Variants in ADCK1 observed in about 807,000 individuals in gnomAD.
ADCK1 encodes aarF domain containing kinase 1.
A neutral mutation model predicts 52.3 loss-of-function variants in ADCK1; 41 were observed. That is an observed-to-expected ratio of 0.78 (90% CI 0.61 to 1.02). ADCK1 has a LOEUF of 1.02. Ranked by LOEUF, ADCK1 falls within the 50% of genes least tolerant of loss-of-function variation. ADCK1 has a pLI of 0.00. For missense variants in ADCK1, 658 were observed against 679.5 expected (o/e 0.97, Z 0.35); for synonymous variants, 250 against 274.6 (o/e 0.91, Z 0.89).
rs1024331475 is a variant in ADCK1 at position 77,934,713 on chromosome 14, A to C, written c.*1322A>C. 6.6e-6 allele frequency: 1 copy of C among 152,150 alleles called. No homozygotes were observed. The highest frequency in any genetic ancestry group is 1.5e-5 in the Non-Finnish European group (1 of 68,050). 9.4% of individuals were successfully genotyped at this position (152,150 alleles called of 1,614,324 possible). A position where few individuals can be genotyped will look rare whatever the true frequency, so the allele number is the denominator to read the frequency against. On this transcript the variant is annotated 3_prime_UTR_variant, in exon 11 of 11. Coordinates refer to ENST00000238561, the MANE Select transcript of ADCK1 (RefSeq NM_020421.4). ...CTTTCACGGACAGTAATTGTATTTG[A>C]GCCTCTCTGATCTTACTTCACCCAA...
chr14:77,888,104 TCA>T (rs2083200832), intron 5 of ADCK1, among the ~76,000 whole-genome samples: 1 of 152,092 alleles, frequency 6.6e-6, no homozygotes, highest in South Asian at 2.1e-4. Context: ...GTGTAAACAG[TCA>T]CAGCGTGTTT....
At chr14:77,803,720 G>A (rs889459483) in intron 1 of ADCK1, among the ~76,000 whole-genome samples, 2 of 152,130 alleles carry the variant, frequency 1.3e-5, no homozygotes, top group Non-Finnish European at 2.9e-5. Flanking sequence ...TGTTGATTTT[G>A]GGGGCTCCAA....
rs2084116027 is a variant in ADCK1, at chr14:77,923,720, G to C, written c.859-737G>C. ...TATTCAGCAGCTGTTCCTTAGCGGG[G>C]AAGAGGCTTTTAGCTTTAATAAAAA... On this transcript the variant is annotated intron_variant, in intron 7 of 10. Transcript: ENST00000238561. The surrounding 1 kb of genome is among the most constrained non-coding windows in gnomAD (Gnocchi z 4.3). 6.6e-6 allele frequency: 1 copy of C among 152,238 alleles called. No homozygotes were observed. Among genetic ancestry groups the C allele is most frequent in the South Asian group, 2.1e-4 (1 of 4,834 alleles). The allele number at this position is 152,238 out of a possible 1,614,324, so 9.4% of individuals were successfully genotyped here.
At chr14:77,867,958 C>T (rs1275233702) in intron 4 of ADCK1, among the ~76,000 whole-genome samples, 1 of 152,232 alleles carries the variant, frequency 6.6e-6, no homozygotes, top group Non-Finnish European at 1.5e-5. Context: ...AGTTCACTGT[C>T]AGCTGTGCTT....
intron 7 of ADCK1, among the ~76,000 whole-genome samples, chr14:77,912,264 G>A (rs940431503): frequency 6.6e-6 from 1 of 152,068 alleles, no homozygotes; most frequent in Admixed American, 6.6e-5. Context: ...AAATACTTCC[G>A]CAGAAACCCC....
intron 6 of ADCK1, among the ~76,000 whole-genome samples, chr14:77,905,623 G>A (rs946703952): frequency 2.0e-5 from 3 of 151,898 alleles, no homozygotes; most frequent in African/African-American, 7.2e-5. Context: ...AATTTAACCC[G>A]AAAATATGTC....
intron 4 of ADCK1, among the ~76,000 whole-genome samples, chr14:77,871,191 C>A (rs992194483): frequency 1.3e-5 from 2 of 152,106 alleles, no homozygotes; most frequent in African/African-American, 4.8e-5. Context: ...GGATGTGGTT[C>A]AGGAAGGGGG....
intron 7 of ADCK1, among the ~76,000 whole-genome samples, chr14:77,913,780 C>T (rs989044044): frequency 9.9e-5 from 15 of 151,776 alleles, no homozygotes; most frequent in Admixed American, 2.6e-4. Context: ...CACTGCTGTC[C>T]GTGAAGATTG....
intron 4 of ADCK1, among the ~76,000 whole-genome samples, chr14:77,869,711 G>T (rs1182325483): frequency 6.6e-6 from 1 of 152,130 alleles, no homozygotes; most frequent in African/African-American, 2.4e-5. Context: ...TGTAGTTAGG[G>T]TTGGGCTAGA....
intron 4 of ADCK1, among the ~76,000 whole-genome samples, chr14:77,880,435 CTT>C (rs2082997462): frequency 6.6e-6 from 1 of 152,204 alleles, no homozygotes; most frequent in Admixed American, 6.6e-5. Context: ...ATAGTTTGAT[CTT>C]TTGGAACCCC....
chr14:77,921,576 C>A (rs555913426), intron 7 of ADCK1, among the ~76,000 whole-genome samples: 139 of 152,216 alleles, frequency 9.1e-4, no homozygotes, highest in African/African-American at 3.1e-3. Flanking sequence ...GTGACAGAAC[C>A]ATGCCATTGG....
intron 3 of ADCK1, among the ~76,000 whole-genome samples, chr14:77,835,714 C>A (rs1313608285): frequency 1.3e-5 from 2 of 152,204 alleles, no homozygotes; most frequent in Non-Finnish European, 2.9e-5. Flanking sequence ...TGCATCACTG[C>A]ATCCTCTACC....
chr14:77,933,747 T>A lies in ADCK1; in HGVS notation c.*356T>A. 4.6e-6 allele frequency: 1 copy of A among 215,778 alleles called. No homozygotes were observed. The highest frequency in any genetic ancestry group is 9.3e-6 in the Non-Finnish European group (1 of 107,640). The allele number at this position is 215,778 out of a possible 1,614,324, so 13.4% of individuals were successfully genotyped here. ...GGGGGCACACTGAACTTGTAGGGAGTGTGATTTTGTTGGAGGTGCACATGG... is the reference window on the plus strand; with the variant it reads ...GGGGGCACACTGAACTTGTAGGGAGAGTGATTTTGTTGGAGGTGCACATGG... On this transcript the variant is annotated 3_prime_UTR_variant, in exon 11 of 11. Transcript: ENST00000238561.
chr14:77,913,797 G>T (rs913598598), intron 7 of ADCK1, among the ~76,000 whole-genome samples: 2 of 152,190 alleles, frequency 1.3e-5, no homozygotes, highest in Admixed American at 1.3e-4. Context: ...ATTGGGGGTA[G>T]TCCTGGGATG....
intron 7 of ADCK1, among the ~76,000 whole-genome samples, chr14:77,915,340 CT>C (rs1316383635): frequency 3.4e-5 from 5 of 147,004 alleles, no homozygotes; most frequent in South Asian, 4.5e-4. Context: ...CCCCTCCCCC[CT>C]ACCCCCAGCC....
chr14:77,836,545 A>C (rs954781594), intron 3 of ADCK1, among the ~76,000 whole-genome samples: 4 of 152,180 alleles, frequency 2.6e-5, no homozygotes, highest in African/African-American at 7.2e-5. Flanking sequence ...TGCCATAACA[A>C]ATTACCACAA....
Position 77,852,885 on chromosome 14 carries a change from A to G in ADCK1, c.220-6191A>G, listed in dbSNP as rs867996248. ...AAGTTCACTAATCTTTTATGTGTGTATATATATATATATATATATATATTT... is the reference window on the plus strand; with the variant it reads ...AAGTTCACTAATCTTTTATGTGTGTGTATATATATATATATATATATATTT... On this transcript the variant is annotated intron_variant, in intron 3 of 10. Transcript: ENST00000238561. Among the ~76,000 whole-genome samples, 79 of 24,068 alleles carry G rather than the reference A, an allele frequency of 3.3e-3. 7 individuals are homozygous for G. Among genetic ancestry groups the G allele is most frequent in the Non-Finnish European group, 4.6e-3 (57 of 12,384 alleles). 15.8% of individuals were successfully genotyped at this position (24,068 alleles called of 152,430 possible).
chr14:77,835,527 G>T (rs550171658), intron 3 of ADCK1, among the ~76,000 whole-genome samples: 9 of 152,304 alleles, frequency 5.9e-5, no homozygotes, highest in African/African-American at 1.9e-4. Flanking sequence ...GGTGGGAATG[G>T]GACAGCACCC....
chr14:77,875,496 A>G (rs1455185499), intron 4 of ADCK1, among the ~76,000 whole-genome samples: 2 of 152,118 alleles, frequency 1.3e-5, no homozygotes, highest in African/African-American at 4.8e-5. Flanking sequence ...TATTAAAAAA[A>G]AAAGAAAACT....
Sources: gnomAD v4.1 joint callset for allele counts (sites outside exome capture counted in the v4.1 genomes callset) on GRCh38, gnomAD v4.1.1 for gene constraint, Gnocchi (gnomAD v3.1) non-coding constraint, MANE v1.5 for transcripts, NCBI Gene and HGNC (gene_info 2026-07-23, HGNC 2026-07-21) for gene names.